PLEKHG7: variants seen among roughly 807,000 people sequenced by gnomAD.
PLEKHG7 encodes pleckstrin homology domain-containing family G member 7.
Under a neutral mutation model 85.2 loss-of-function variants are expected in PLEKHG7, and 77 were observed. The observed-to-expected ratio is 0.90, with a 90% CI of 0.75 to 1.09. The LOEUF (loss-of-function observed/expected upper bound fraction) is 1.09. Among genes scored for constraint, PLEKHG7 ranks in the 50% least tolerant of loss-of-function variants. The pLI, the probability that PLEKHG7 is intolerant of heterozygous loss-of-function variation, is 0.00. For missense variants in PLEKHG7, 777 were observed against 804.3 expected, an observed-to-expected ratio of 0.97 and a Z score of 0.41; for synonymous variants, 301 against 302.4, an observed-to-expected ratio of 1.00 and a Z score of 0.05.
Position 92,755,851 on chromosome 12 carries a change from C to T in PLEKHG7, c.1453C>T (p.Leu485=), listed in dbSNP as rs1311370110. ...IRDLEGKVKW[L]DNFQKFRYLQ... ...GGACCTTGAAGGAAAAGTGAAGTGG[C>T]TGGACAATTTCCAAAAATTTAGATA... The change falls in exon 12 of 17, where the codon CTG becomes TTG. Residue 485 remains leucine (L), a synonymous_variant. Transcript: ENST00000344636. 2 of 1,613,236 alleles carry T rather than the reference C, an allele frequency of 1.2e-6. No homozygotes were observed. The highest frequency in any genetic ancestry group is 1.7e-6 in the Non-Finnish European group (2 of 1,179,584).
Position 92,754,071 on chromosome 12 carries a change from C to G in PLEKHG7, c.1252-19C>G, listed in dbSNP as rs1872758716. On this transcript the variant is annotated intron_variant, in intron 10 of 16. Transcript: ENST00000344636. ...GGGAGAGGTGATCATTCTGATATGG[C>G]TGCTTTTGCCTTCCCCAGTGGTGTG... 2 of 1,608,140 alleles carry G rather than the reference C, an allele frequency of 1.2e-6. No individual in the cohort carries two copies. The highest frequency in any genetic ancestry group is 2.7e-5 in the African/African-American group (2 of 74,808).
intron 7 of PLEKHG7, among the ~76,000 whole-genome samples, chr12:92,739,984 A>T (rs182932125): frequency 6.6e-6 from 1 of 152,282 alleles, no homozygotes; most frequent in Non-Finnish European, 1.5e-5. Context: ...CCCGTCACAG[A>T]TGAGGGTGGG....
chr12:92,769,646 A>G (rs1178782814), intron 16 of PLEKHG7, among the ~76,000 whole-genome samples: 1 of 152,144 alleles, frequency 6.6e-6, no homozygotes, highest in Non-Finnish European at 1.5e-5. Context: ...GGCTTTCATC[A>G]TATCTACAAT....
intron 4 of PLEKHG7, among the ~76,000 whole-genome samples, chr12:92,730,052 C>T (rs976169880): frequency 6.6e-6 from 1 of 152,170 alleles, no homozygotes; most frequent in Admixed American, 6.5e-5. Flanking sequence ...GCCCTCTCTA[C>T]CAGTCTGCAT....
chr12:92,761,401 G>A (rs1443789786), intron 13 of PLEKHG7, among the ~76,000 whole-genome samples: 1 of 151,940 alleles, frequency 6.6e-6, no homozygotes. Flanking sequence ...TTGGAAGCTT[G>A]GCCTCTCATC....
At chr12:92,725,802 G>A (rs570178433) in intron 3 of PLEKHG7, among the ~76,000 whole-genome samples, 39 of 152,214 alleles carry the variant, frequency 2.6e-4, no homozygotes, top group South Asian at 1.0e-3. Context: ...GGCTAAAAAC[G>A]TGAAATAATA....
intron 2 of PLEKHG7, 181 bp from the exon 3 acceptor site, chr12:92,707,468 CA>C: frequency 6.9e-7 from 1 of 1,446,222 alleles, no homozygotes; most frequent in Non-Finnish European, 9.0e-7. Flanking sequence ...TATTTAAAGA[CA>C]ACGTCGTGTC....
chr12:92,763,994 C>T, intron 14 of PLEKHG7, 47 bp from the exon 15 acceptor site: 2 of 1,539,872 alleles, frequency 1.3e-6, no homozygotes, highest in Non-Finnish European at 1.8e-6. Context: ...ATAAGTGTGC[C>T]AATATTTATT....
intron 3 of PLEKHG7, among the ~76,000 whole-genome samples, chr12:92,715,018 GGATAGATAGATA>G (rs10563574): frequency 0.021 from 3,040 of 147,516 alleles, 38 homozygotes; most frequent in African/African-American, 0.024. Context: ...AGAACTAATG[GGATAGATAGATA>G]GATAGATAGA....
chr12:92,732,495 T>C (rs115014312), intron 5 of PLEKHG7, among the ~76,000 whole-genome samples: 5,576 of 152,220 alleles, frequency 0.037, 344 homozygotes, highest in African/African-American at 0.13. Flanking sequence ...GGTTAATTAG[T>C]TCTGCAAAAA....
chr12:92,738,606 T>A (rs1412232002), intron 7 of PLEKHG7, among the ~76,000 whole-genome samples: 1 of 152,256 alleles, frequency 6.6e-6, no homozygotes. Context: ...CCTAAAGGAA[T>A]GTGCATGACT....
chr12:92,756,508 G>T (rs1565796246), intron 13 of PLEKHG7, 117 bp downstream of exon 13: 16 of 797,608 alleles, frequency 2.0e-5, no homozygotes, highest in Non-Finnish European at 3.4e-5. Context: ...GTGATGGAGG[G>T]TGTGAATGAG....
intron 3 of PLEKHG7, among the ~76,000 whole-genome samples, chr12:92,726,884 C>G (rs886258119): frequency 6.6e-6 from 1 of 152,198 alleles, no homozygotes; most frequent in Admixed American, 6.5e-5. Context: ...CTTTAAACAA[C>G]CAGCTTCAGA....
rs145401663 is a variant in PLEKHG7, at chr12:92,726,163, T to G, written c.531-2830T>G. ...GCAGGCAGAAAGGCTGACACTCATA[T>G]AGAATGTCAGAACCATGGAACTTGG... On this transcript the variant is annotated intron_variant, in intron 3 of 16. Transcript: ENST00000344636. 3.0e-3 allele frequency among the ~76,000 whole-genome samples: 462 copies of G among 152,222 alleles called. 6 individuals are homozygous for G. Among genetic ancestry groups the G allele is most frequent in the South Asian group, 0.017 (82 of 4,814 alleles).
intron 3 of PLEKHG7, 164 bp downstream of exon 3, chr12:92,707,836 A>C (rs1871283112): frequency 1.7e-6 from 2 of 1,167,662 alleles, no homozygotes; most frequent in Admixed American, 2.1e-5. Flanking sequence ...ACGAGTTTTC[A>C]TTTCAAGAGT....
chr12:92,754,530 G>A (rs982297478), intron 11 of PLEKHG7, among the ~76,000 whole-genome samples: 5 of 152,290 alleles, frequency 3.3e-5, no homozygotes, highest in Non-Finnish European at 7.4e-5. Context: ...GTGAGTTCAG[G>A]CAGGAAAAGT....
chr12:92,727,855 T>C (rs1327806630), intron 3 of PLEKHG7, among the ~76,000 whole-genome samples: 1 of 151,554 alleles, frequency 6.6e-6, no homozygotes, highest in East Asian at 1.9e-4. Context: ...CCTCCCAAAG[T>C]GCTGGAATTA....
intron 10 of PLEKHG7, among the ~76,000 whole-genome samples, chr12:92,752,861 C>T (rs370071755): frequency 2.6e-5 from 4 of 152,102 alleles, no homozygotes; most frequent in South Asian, 2.1e-4. Context: ...GGTTAGGGGC[C>T]GGTGATGGCC....
At chr12:92,714,505 A>T (rs1871430557) in intron 3 of PLEKHG7, among the ~76,000 whole-genome samples, 1 of 152,180 alleles carries the variant, frequency 6.6e-6, no homozygotes, top group Non-Finnish European at 1.5e-5. Flanking sequence ...TACTCACATA[A>T]TAAGAGCTTG....
Sources: allele counts gnomAD v4.1 joint callset (sites outside exome capture counted in the v4.1 genomes callset), GRCh38; gene constraint gnomAD v4.1.1; transcripts MANE v1.5; gene names NCBI Gene and HGNC (gene_info 2026-07-23, HGNC 2026-07-21).